Variants in CCDC66 observed in about 807,000 individuals in gnomAD.
The protein encoded by CCDC66 is coiled-coil domain-containing protein 66.
In CCDC66, 133 loss-of-function variants were observed where a neutral mutation model predicts 128.3. The ratio of observed to expected loss-of-function variants is 1.04; its 90% confidence interval spans 0.90 to 1.20. The LOEUF is 1.20. Ranked by LOEUF, CCDC66 falls within the 50% of genes most tolerant of loss-of-function variation. CCDC66 has a pLI of 0.00. For missense variants in CCDC66, 1,126 were observed against 1,075.5 expected (o/e 1.05, Z -0.66); for synonymous variants, 387 against 357.0 (o/e 1.08, Z -0.95).
Position 56,621,818 on chromosome 3 carries a change from TAAA to T in CCDC66, c.*217_*219del, listed in dbSNP as rs11401064. 4.1e-4 allele frequency: 55 copies of T among 134,020 alleles called. No homozygotes were observed. Among genetic ancestry groups the T allele is most frequent in the Middle Eastern group, 3.5e-3 (1 of 286 alleles). 8.3% of individuals were successfully genotyped at this position (134,020 alleles called of 1,614,324 possible). On this transcript the variant is annotated 3_prime_UTR_variant, in exon 18 of 18. Coordinates refer to ENST00000394672, the MANE Select transcript of CCDC66 (RefSeq NM_001141947.3). ...TACTTCTTTTGTAAAAGCTTAGTAGTAAAAAAAAAAAAAAAAAAACCGGTTCTT... is the reference window on the plus strand; with the variant it reads ...TACTTCTTTTGTAAAAGCTTAGTAGTAAAAAAAAAAAAAAAACCGGTTCTT...
intron 10 of CCDC66, among the ~76,000 whole-genome samples, chr3:56,599,521 G>T (rs544458231): frequency 6.6e-6 from 1 of 151,732 alleles, no homozygotes; most frequent in African/African-American, 2.4e-5. Flanking sequence ...TTTGATATAG[G>T]CACTTATTGC....
At chr3:56,597,116 A>G (rs1289241495) in intron 10 of CCDC66, among the ~76,000 whole-genome samples, 2 of 151,818 alleles carry the variant, frequency 1.3e-5, no homozygotes, top group Non-Finnish European at 2.9e-5. Flanking sequence ...TCCTCTGCAT[A>G]TAGATATCCA....
At chr3:56,618,012 T>C in intron 14 of CCDC66, 160 bp from the exon 15 acceptor site, 1 of 648,436 alleles carries the variant, frequency 1.5e-6, no homozygotes, top group Non-Finnish European at 2.7e-6. Flanking sequence ...CAAGGATTAG[T>C]TTTGACTCTG....
At chr3:56,595,679 A>G (rs1371043015) in intron 10 of CCDC66, among the ~76,000 whole-genome samples, 3 of 152,230 alleles carry the variant, frequency 2.0e-5, no homozygotes, top group Non-Finnish European at 2.9e-5. Context: ...ATAGTGCTAC[A>G]GTTAGCACAA....
At chr3:56,573,840 A>AGAT (rs10654279) in intron 7 of CCDC66, among the ~76,000 whole-genome samples, 149,315 of 151,536 alleles carry the variant, frequency 0.99, 73,611 homozygotes, top group Middle Eastern at 1. Flanking sequence ...CTTGGCCAAG[A>AGAT]GATCCATTCA....
rs964324093 is a variant in CCDC66 at position 56,562,551 on chromosome 3, T to A, written c.103-1133T>A. Among the ~76,000 whole-genome samples the A allele has an allele frequency of 7.9e-5, 12 of 152,294 alleles. No homozygotes were observed. In the East Asian group the frequency reaches 9.6e-4, roughly 12 times the overall value. On this transcript the variant is annotated intron_variant, in intron 3 of 17. Coordinates refer to ENST00000394672, the MANE Select transcript of CCDC66 (RefSeq NM_001141947.3). Reference sequence around the variant, plus strand: ...GTTGAACTATAAAACAATAAAAAAATTTTTATGAGTACCTCTGCACGTGAG... The same window carrying A: ...GTTGAACTATAAAACAATAAAAAAAATTTTATGAGTACCTCTGCACGTGAG...
chr3:56,571,888 A>T (rs1559628674), intron 7 of CCDC66, among the ~76,000 whole-genome samples: 1 of 151,568 alleles, frequency 6.6e-6, no homozygotes, highest in Non-Finnish European at 1.5e-5. Flanking sequence ...CCAGCTAATT[A>T]AAAAAAATTT....
chr3:56,561,310 C>A (rs1356567740), intron 3 of CCDC66: 3 of 455,820 alleles, frequency 6.6e-6, no homozygotes, highest in Non-Finnish European at 1.3e-5. Context: ...TCATTTTAAC[C>A]AACTCAGAAC....
rs544838154 is a variant in CCDC66 at position 56,580,506 on chromosome 3, G to T, written c.936+9204G>T. On this transcript the variant is annotated intron_variant, in intron 7 of 17. Coordinates refer to ENST00000394672, the MANE Select transcript of CCDC66 (RefSeq NM_001141947.3). Reference sequence around the variant, plus strand: ...GTTGATGCAGTTTCTTCCTAGCCTCGATGGTCTTTACAATTTGGCATGTTT... The same window carrying T: ...GTTGATGCAGTTTCTTCCTAGCCTCTATGGTCTTTACAATTTGGCATGTTT... 3.3e-5 allele frequency among the ~76,000 whole-genome samples: 5 copies of T among 151,726 alleles called. No individual in the cohort carries two copies. The South Asian group carries it at 1.0e-3, about 32-fold the overall frequency.
At chr3:56,567,737 G>A (rs2066060238) in intron 6 of CCDC66, among the ~76,000 whole-genome samples, 1 of 151,934 alleles carries the variant, frequency 6.6e-6, no homozygotes, top group African/African-American at 2.4e-5. Context: ...GTGTTGCCCA[G>A]GCTGGAGTAC....
At position 56,619,885 on chromosome 3, in the gene CCDC66, T is replaced by C. The variant is rs776961515; in HGVS notation, c.2744T>C (p.Leu915Pro). 2 of 1,613,988 alleles carry C rather than the reference T, an allele frequency of 1.2e-6. No homozygotes were observed. The highest frequency in any genetic ancestry group is 8.5e-7 in the Non-Finnish European group (1 of 1,179,910). Residue 915 changes from leucine to proline, a missense_variant, in exon 17 of 18, where the codon CTT becomes CCT. Transcript: ENST00000394672. ...CGACAGCAAGCAATCCTTAAGGGAC[T>C]TTCAGAACTGAGACAGGTATGAGCT... ...RDRQQAILKG[L>P]SELRQGLLQK...
intron 3 of CCDC66, among the ~76,000 whole-genome samples, chr3:56,561,725 CT>C (rs2065123976): frequency 6.6e-6 from 1 of 152,034 alleles, no homozygotes. Flanking sequence ...TATTTTCTTC[CT>C]TTTTTGTTTT....
intron 7 of CCDC66, among the ~76,000 whole-genome samples, chr3:56,573,920 A>G (rs902229684): frequency 1.9e-4 from 25 of 128,952 alleles, no homozygotes; most frequent in African/African-American, 2.5e-4. Context: ...CTAAAAAAAA[A>G]CAATAAAGTT....
rs926540828 is a variant in CCDC66, at chr3:56,617,305, C to T, written c.2037C>T (p.Asp679=). The T allele has an allele frequency of 6.2e-7, 1 of 1,612,350 alleles. No individual in the cohort carries two copies. Among genetic ancestry groups the T allele is most frequent in the Non-Finnish European group, 8.5e-7 (1 of 1,179,622 alleles). The change falls in exon 14 of 18, where the codon GAC becomes GAT. Residue 679 remains aspartate, a synonymous_variant. Transcript: ENST00000394672. The stretch of plus-strand genomic sequence containing the variant: ...AAAAAGAAAACAATCGGTGTAATGA[C>T]CAGTGTAATCAGTTCACAAGAATAG... ...SLEKENNRCN[D]QCNQFTRIEK...
At chr3:56,599,104 TGGTCTGTTCA>T (rs1308743315) in intron 10 of CCDC66, among the ~76,000 whole-genome samples, 2 of 152,070 alleles carry the variant, frequency 1.3e-5, no homozygotes, top group Non-Finnish European at 2.9e-5. Context: ...TACTCATTAC[TGGTCTGTTCA>T]GGTTTTCTAT....
intron 10 of CCDC66, 147 bp downstream of exon 10, chr3:56,594,175 A>G: frequency 2.9e-6 from 2 of 700,956 alleles, no homozygotes; most frequent in South Asian, 1.8e-5. Flanking sequence ...CCCTACCACA[A>G]CTGGCATTGT....
chr3:56,621,745 G>T lies in CCDC66; in HGVS notation c.*127G>T. ...TTTTTTAAATGCTCATTAAAAACTT[G>T]TATACTATGTAGTAAAATGCTGTAC... On this transcript the variant is annotated 3_prime_UTR_variant, in exon 18 of 18. Transcript: ENST00000394672. 15 of 395,234 alleles carry T rather than the reference G, an allele frequency of 3.8e-5. No individual in the cohort carries two copies. The highest frequency in any genetic ancestry group is 8.4e-4 in the Middle Eastern group (1 of 1,192). The allele number at this position is 395,234 out of a possible 1,614,324, so 24.5% of individuals were successfully genotyped here.
intron 1 of CCDC66, chr3:56,557,792 C>T (rs2064544997): frequency 6.5e-6 from 1 of 152,992 alleles, no homozygotes; most frequent in South Asian, 2.0e-4. Flanking sequence ...GGTGCATGGT[C>T]TTCATCACTC....
At chr3:56,579,632 G>C (rs1170173211) in intron 7 of CCDC66, among the ~76,000 whole-genome samples, 2 of 151,852 alleles carry the variant, frequency 1.3e-5, no homozygotes, top group East Asian at 4.0e-4. Flanking sequence ...TGGTTTCAAA[G>C]AACATGTTAA....
Sources: gnomAD v4.1 joint callset for allele counts (sites outside exome capture counted in the v4.1 genomes callset) on GRCh38, gnomAD v4.1.1 for gene constraint, MANE v1.5 for transcripts, NCBI Gene and HGNC (gene_info 2026-07-23, HGNC 2026-07-21) for gene names.